Variants in MARF1 observed in about 807,000 individuals in gnomAD.
MARF1 encodes the protein limkain-b1.
A neutral mutation model predicts 168.2 loss-of-function variants in MARF1; 24 were observed. The observed-to-expected ratio is 0.14, with a 90% CI of 0.10 to 0.20. The LOEUF (loss-of-function observed/expected upper bound fraction) is 0.20. Among genes scored for constraint, MARF1 ranks in the 10% least tolerant of loss-of-function variants. The probability of loss-of-function intolerance (pLI) is 1.00; values close to 1 mark genes in which losing one functional copy is unlikely to be tolerated. For synonymous variants in MARF1, 868 were observed against 822.4 expected (o/e 1.06, Z -0.95); for missense variants, 1,744 against 2,143.6 (o/e 0.81, Z 3.68).
chr16:15,597,751 G>A (rs1410717865), intron 26 of MARF1, among the ~76,000 whole-genome samples: 1 of 152,108 alleles, frequency 6.6e-6, no homozygotes, highest in Non-Finnish European at 1.5e-5. Context: ...CTCTTGTCCG[G>A]TGCATGCAGT....
At chr16:15,603,943 C>T (rs912882346) in intron 22 of MARF1, among the ~76,000 whole-genome samples, 1 of 152,134 alleles carries the variant, frequency 6.6e-6, no homozygotes, top group Non-Finnish European at 1.5e-5. Context: ...TAGAACGGGA[C>T]AAACACACCC....
At chr16:15,605,361 A>T (rs1741629977) in intron 21 of MARF1, among the ~76,000 whole-genome samples, 1 of 152,184 alleles carries the variant, frequency 6.6e-6, no homozygotes, top group African/African-American at 2.4e-5. Context: ...GTGGCACTTG[A>T]GGAGCCATCC....
Position 15,643,131 on chromosome 16 carries a change from C to A in MARF1, c.-172G>T. ...CGCAGCTCCCGCCGCCGCCGCCAAG[C>A]GCACCCTTCACTTCCGCTTCCGCAC... is the stretch of plus-strand genomic sequence containing the variant. On this transcript the variant is annotated 5_prime_UTR_variant, in exon 1 of 27. Transcript: ENST00000396368. The A allele has an allele frequency of 3.7e-6, 1 of 269,382 alleles. No individual in the cohort carries two copies. Among genetic ancestry groups the A allele is most frequent in the Non-Finnish European group, 7.3e-6 (1 of 137,926 alleles). The allele number at this position is 269,382 out of a possible 1,614,324, so 16.7% of individuals were successfully genotyped here.
intron 7 of MARF1, 69 bp downstream of exon 7, chr16:15,630,263 T>C (rs2035160272): frequency 1.6e-5 from 24 of 1,461,358 alleles, no homozygotes; most frequent in Non-Finnish European, 2.1e-5. Context: ...AACCCCCTTA[T>C]TATGGGCTGT....
chr16:15,611,497 G>A, intron 18 of MARF1, 95 bp downstream of exon 18: 4 of 995,124 alleles, frequency 4.0e-6, no homozygotes, highest in Non-Finnish European at 5.7e-6. Flanking sequence ...CCAAAAGAAT[G>A]CTTAATAGAA....
At chr16:15,597,017 C>T in intron 26 of MARF1, 80 bp from the exon 27 acceptor site, 2 of 1,448,238 alleles carry the variant, frequency 1.4e-6, no homozygotes. Flanking sequence ...CTCATATTTT[C>T]TCAAAAGATA....
Position 15,635,822 on chromosome 16 carries a change from C to T in MARF1, c.665G>A (p.Gly222Asp), listed in dbSNP as rs1406055282. 1.2e-6 allele frequency: 2 copies of T among 1,614,170 alleles called. No homozygotes were observed. Among genetic ancestry groups the T allele is most frequent in the Non-Finnish European group, 8.5e-7 (1 of 1,180,040 alleles). Residue 222 changes from glycine to aspartate, a missense_variant, in exon 3 of 27, where the codon GGC becomes GAC. Transcript: ENST00000396368. ...TGTGAAATCAGAACAGGGGAAATAG[C>T]CAGCGGAGGTGCAGCCCTGCAGACT... ...FPSLQGCTSA[G>D]YFPCSDFTSG... is the part of the protein sequence containing the mutation.
Position 15,610,972 on chromosome 16 carries a change from T to C in MARF1, c.3751+3A>G, listed in dbSNP as rs1477968488. The C allele has an allele frequency of 8.7e-6, 14 of 1,613,206 alleles. No individual in the cohort carries two copies. Among genetic ancestry groups the C allele is most frequent in the Non-Finnish European group, 1.1e-5 (13 of 1,179,308 alleles). The stretch of plus-strand genomic sequence containing the variant: ...TCCTTCCAGCAAATGTTAAGTCACA[T>C]ACCTCTTTTGGGGATACAAATCACC... On this transcript the variant is annotated splice_donor_region_variant and intron_variant, in intron 19 of 26. Coordinates refer to ENST00000396368, the MANE Select transcript of MARF1 (RefSeq NM_014647.4).
intron 16 of MARF1, among the ~76,000 whole-genome samples, 180 bp from the exon 17 acceptor site, chr16:15,612,957 A>G (rs1596462043): frequency 6.6e-6 from 1 of 152,310 alleles, no homozygotes; most frequent in Non-Finnish European, 1.5e-5. Context: ...TAACTAGCTA[A>G]CTAACTTATT....
chr16:15,639,173 C>A lies in MARF1; in HGVS notation c.61G>T (p.Asp21Tyr). The change falls in exon 2 of 27, where the codon GAT (aspartate) becomes TAT (tyrosine). Residue 21 changes from aspartate to tyrosine, a missense_variant. Transcript: ENST00000396368. Reference sequence around the variant, plus strand: ...CAAAGCCATGGCTTAGCATCATTATCTTGTTGAAGCCATCCACGTGTTCTA... The same window carrying A: ...CAAAGCCATGGCTTAGCATCATTATATTGTTGAAGCCATCCACGTGTTCTA... Reference protein sequence around the residue: ...CSRTRGWLQQDNDAKPWLWKF... With the variant: ...CSRTRGWLQQYNDAKPWLWKF... The A allele has an allele frequency of 6.2e-7, 1 of 1,614,190 alleles. No individual in the cohort carries two copies.
chr16:15,605,027 C>G (rs183028736), intron 21 of MARF1, among the ~76,000 whole-genome samples: 20 of 152,324 alleles, frequency 1.3e-4, no homozygotes, highest in Admixed American at 1.3e-3. Context: ...GTTAAATGCG[C>G]TGAGAGGGAA....
chr16:15,615,814 A>T lies in MARF1; in HGVS notation c.3253+16T>A. 6.7e-7 allele frequency: 1 copy of T among 1,503,758 alleles called. No homozygotes were observed. The highest frequency in any genetic ancestry group is 8.9e-7 in the Non-Finnish European group (1 of 1,119,498). The allele number at this position is 1,503,758 out of a possible 1,614,324, so 93.2% of individuals were successfully genotyped here. On this transcript the variant is annotated intron_variant, in intron 16 of 26. Coordinates refer to ENST00000396368, the MANE Select transcript of MARF1 (RefSeq NM_014647.4). The stretch of plus-strand genomic sequence containing the variant: ...TGGACAGGTGGTAGCTCCAGGACAA[A>T]ATACCTGACACCTACCAGTGTTGGG...
chr16:15,617,015 AG>A (rs1224371770), intron 15 of MARF1, 36 bp downstream of exon 15: 1 of 1,594,774 alleles, frequency 6.3e-7, no homozygotes, highest in African/African-American at 1.4e-5. Context: ...AAGCAGAACT[AG>A]GGCATTATAT....
At position 15,615,580 on chromosome 16, in the gene MARF1, G is replaced by A. The variant is rs184634941; in HGVS notation, c.3253+250C>T. 1.4e-4 allele frequency among the ~76,000 whole-genome samples: 21 copies of A among 152,112 alleles called. No homozygotes were observed. The East Asian group carries it at 3.1e-3, about 22-fold the overall frequency. ...GCAGAGGTTGCAGTGAGCCGAGATC[G>A]CACCACTGCACTCCAGCTAGGCGAC... On this transcript the variant is annotated intron_variant, in intron 16 of 26. Coordinates refer to ENST00000396368, the MANE Select transcript of MARF1 (RefSeq NM_014647.4).
chr16:15,614,167 C>G (rs1470659301), intron 16 of MARF1, among the ~76,000 whole-genome samples: 1 of 152,022 alleles, frequency 6.6e-6, no homozygotes, highest in Non-Finnish European at 1.5e-5. Context: ...CTTCAAATAC[C>G]TGAAAGTACT....
chr16:15,642,729 C>T (rs916856037), intron 1 of MARF1, among the ~76,000 whole-genome samples: 23 of 152,318 alleles, frequency 1.5e-4, no homozygotes, highest in East Asian at 7.7e-4. Flanking sequence ...GTGCACTTCA[C>T]TCCTGGAGGG....
chr16:15,625,101 C>T lies in MARF1; in HGVS notation c.2026G>A (p.Val676Ile), dbSNP rs757005961. ...GCACTTGAGTTACCGTGAGTGGGTA[C>T]GACCAGCCTCAGGTGACCTTGCTGG... ...EHQQGHLRLV[V>I]PTHGNSSAAV... The change falls in exon 9 of 27, where the codon GTA becomes ATA. Residue 676 changes from valine to isoleucine, a missense_variant. Physicochemically the swap from Val to Ile is conservative, Grantham distance 29. Transcript: ENST00000396368. 2.7e-5 allele frequency: 44 copies of T among 1,614,042 alleles called. No individual in the cohort carries two copies. The South Asian group carries it at 2.9e-4, about 10-fold the overall frequency.
chr16:15,637,389 T>G (rs1326673525), intron 2 of MARF1, among the ~76,000 whole-genome samples: 2 of 152,144 alleles, frequency 1.3e-5, no homozygotes, highest in Non-Finnish European at 2.9e-5. Context: ...TTCCACTCCC[T>G]TTGCTGTGAT....
rs939303693 is a variant in MARF1 at position 15,604,707 on chromosome 16, A to G, written c.4183-309T>C. Among the ~76,000 whole-genome samples the G allele has an allele frequency of 8.5e-5, 13 of 152,272 alleles. No individual in the cohort carries two copies. The East Asian group carries it at 2.3e-3, about 27-fold the overall frequency. On this transcript the variant is annotated intron_variant, in intron 21 of 26. Coordinates refer to ENST00000396368, the MANE Select transcript of MARF1 (RefSeq NM_014647.4). ...ATTCTTTCCAAACCCCACTATAAGA[A>G]GGACACAGACTGGCCAGCTGATGGC...
Sources: gnomAD v4.1 joint callset for allele counts (sites outside exome capture counted in the v4.1 genomes callset) on GRCh38, gnomAD v4.1.1 for gene constraint, MANE v1.5 for transcripts, NCBI Gene and HGNC (gene_info 2026-07-23, HGNC 2026-07-21) for gene names.